Variants in GFAP observed in about 807,000 individuals in gnomAD.
GFAP encodes intermediate filament protein.
A neutral mutation model predicts 49.3 loss-of-function variants in GFAP; 38 were observed. The observed-to-expected ratio is 0.77, with a 90% confidence interval of 0.60 to 1.01. The LOEUF (loss-of-function observed/expected upper bound fraction) is 1.01. GFAP is among the 50% of genes least tolerant of loss of function. The pLI is 0.00. For synonymous variants in GFAP, 222 were observed against 236.4 expected, an observed-to-expected ratio of 0.94 and a Z score of 0.56; for missense variants, 463 against 579.1, an observed-to-expected ratio of 0.80 and a Z score of 2.06.
chr17:44,908,024 G>A (rs767467727), intron 8 of GFAP, 40 bp downstream of exon 8: 1 of 1,411,740 alleles, frequency 7.1e-7, no homozygotes, highest in South Asian at 1.1e-5. Flanking sequence ...AGAATCCCTG[G>A]GGCCAGCCAG....
intron 6 of GFAP, 136 bp downstream of exon 6, chr17:44,911,100 A>C: frequency 1.3e-6 from 1 of 777,726 alleles, no homozygotes; most frequent in Non-Finnish European, 2.3e-6. Context: ...TGTGTGAGGC[A>C]GGCACTGTGC....
rs1318123344 is a variant in GFAP at position 44,910,213 on chromosome 17, G to T, written c.1171+402C>A. The T allele has an allele frequency of 3.1e-6, 5 of 1,613,994 alleles. No homozygotes were observed. The highest frequency in any genetic ancestry group is 4.2e-6 in the Non-Finnish European group (5 of 1,179,866). ...ATAACTCGTATTGTGAGGCTTTTGA[G>T]ATATCTTGTGACCTTGTGATTTTCC... On this transcript the variant is annotated intron_variant, in intron 7 of 8. Transcript: ENST00000588735.
rs200072112 is a variant in GFAP at position 44,913,793 on chromosome 17, C to G, written c.553G>C (p.Asp185His). Residue 185 changes from aspartate to histidine, a missense_variant, in exon 3 of 9, where the codon GAT becomes CAT. Transcript: ENST00000588735. ...EADEATLARL[D>H]LERKIESLEE... is the part of the protein sequence containing the mutation. ...AGCGACTCAATCTTCCTCTCCAGATCCAGACGGGCCAGGGTGGCTTCATCT... is the reference window on the plus strand; with the variant it reads ...AGCGACTCAATCTTCCTCTCCAGATGCAGACGGGCCAGGGTGGCTTCATCT... 9 of 1,614,066 alleles carry G rather than the reference C, an allele frequency of 5.6e-6. No individual in the cohort carries two copies. The highest frequency in any genetic ancestry group is 7.6e-6 in the Non-Finnish European group (9 of 1,180,006).
In GFAP at chr17:44,903,253, T is replaced by C; in HGVS notation, c.*4094A>G. The C allele has an allele frequency of 8.0e-7, 1 of 1,251,514 alleles. No homozygotes were observed. Among genetic ancestry groups the C allele is most frequent in the African/African-American group, 1.5e-5 (1 of 64,936 alleles). The allele number at this position is 1,251,514 out of a possible 1,614,324, so 77.5% of individuals were successfully genotyped here. A position where few individuals can be genotyped will look rare whatever the true frequency, so the allele number is the denominator to read the frequency against. ...ATAGCCCCAAACCAATGAATGGACA[T>C]GTAATCAACAAATGATCAAATACTA... is the stretch of plus-strand genomic sequence containing the variant. On this transcript the variant is annotated 3_prime_UTR_variant, in exon 9 of 9. Transcript: ENST00000588735.
chr17:44,903,259 C>T lies in GFAP; in HGVS notation c.*4088G>A. ...CCAAACCAATGAATGGACATGTAATCAACAAATGATCAAATACTACATCAT... is the reference window on the plus strand; with the variant it reads ...CCAAACCAATGAATGGACATGTAATTAACAAATGATCAAATACTACATCAT... On this transcript the variant is annotated 3_prime_UTR_variant, in exon 9 of 9. Transcript: ENST00000588735. The T allele has an allele frequency of 8.0e-7, 1 of 1,250,598 alleles. No individual in the cohort carries two copies. The highest frequency in any genetic ancestry group is 1.0e-6 in the Non-Finnish European group (1 of 998,520). 77.5% of individuals were successfully genotyped at this position (1,250,598 alleles called of 1,614,324 possible).
chr17:44,905,305 G>A lies in GFAP; in HGVS notation c.*2042C>T, dbSNP rs2051638556. On this transcript the variant is annotated 3_prime_UTR_variant, in exon 9 of 9. Coordinates refer to ENST00000588735, the MANE Select transcript of GFAP (RefSeq NM_002055.5). ...CTCAGGATGGAAGTAGGGCACATGT[G>A]TTTCCTGACTTCACATTTAGGTCAG... 1.8e-6 allele frequency: 1 copy of A among 541,546 alleles called. No individual in the cohort carries two copies. Among genetic ancestry groups the A allele is most frequent in the Non-Finnish European group, 3.4e-6 (1 of 296,798 alleles). The allele number at this position is 541,546 out of a possible 1,614,324, so 33.5% of individuals were successfully genotyped here.
chr17:44,911,516 G>GCCCGGAC (rs1567774134), intron 5 of GFAP, 60 bp from the exon 6 acceptor site: 10 of 1,548,734 alleles, frequency 6.5e-6, no homozygotes, highest in Non-Finnish European at 8.7e-6. Flanking sequence ...AGGTTTCGAG[G>GCCCGGAC]CCCGGCCCCC....
chr17:44,903,561 T>C lies in GFAP; in HGVS notation c.*3786A>G, dbSNP rs2051598481. The C allele has an allele frequency of 1.4e-6, 2 of 1,379,758 alleles. No homozygotes were observed. Among genetic ancestry groups the C allele is most frequent in the East Asian group, 5.4e-5 (2 of 37,094 alleles). 85.5% of individuals were successfully genotyped at this position (1,379,758 alleles called of 1,614,324 possible). A position where few individuals can be genotyped will look rare whatever the true frequency, so the allele number is the denominator to read the frequency against. On this transcript the variant is annotated 3_prime_UTR_variant, in exon 9 of 9. Coordinates refer to ENST00000588735, the MANE Select transcript of GFAP (RefSeq NM_002055.5). ...CATTCTTGGGTGAGCGCCAGTGTTCTAGAAAGGGGAGTAAAGGCCAGGTTC... is the reference window on the plus strand; with the variant it reads ...CATTCTTGGGTGAGCGCCAGTGTTCCAGAAAGGGGAGTAAAGGCCAGGTTC...
At position 44,904,524 on chromosome 17, in the gene GFAP, C is replaced by T; in HGVS notation, c.*2823G>A. ...CGGACCAAGGCCAGGGACCACACGC[C>T]TGAGGTGCTGGTTCGGAGCTGCTTA... On this transcript the variant is annotated 3_prime_UTR_variant, in exon 9 of 9. Coordinates refer to ENST00000588735, the MANE Select transcript of GFAP (RefSeq NM_002055.5). 6.4e-7 allele frequency: 1 copy of T among 1,550,456 alleles called. No homozygotes were observed. Among genetic ancestry groups the T allele is most frequent in the Non-Finnish European group, 8.7e-7 (1 of 1,146,930 alleles).
rs550309636 is a variant in GFAP at position 44,906,660 on chromosome 17, C to A, written c.*687G>T. 6.5e-6 allele frequency: 1 copy of A among 153,028 alleles called. No homozygotes were observed. Among genetic ancestry groups the A allele is most frequent in the East Asian group, 1.9e-4 (1 of 5,190 alleles). 9.5% of individuals were successfully genotyped at this position (153,028 alleles called of 1,614,324 possible). A position where few individuals can be genotyped will look rare whatever the true frequency, so the allele number is the denominator to read the frequency against. On this transcript the variant is annotated 3_prime_UTR_variant, in exon 9 of 9. Transcript: ENST00000588735. ...GTGACTGCCCCAGGTGGCAGGACGTCCCCACCCATCTTAGACTGATCAGGG... is the reference window on the plus strand; with the variant it reads ...GTGACTGCCCCAGGTGGCAGGACGTACCCACCCATCTTAGACTGATCAGGG...
Position 44,915,475 on chromosome 17 carries a change from TCTC to T in GFAP, c.9_11del (p.Arg5del), listed in dbSNP as rs751890813. On this transcript the variant is annotated inframe_deletion, in exon 1 of 9. Coordinates refer to ENST00000588735, the MANE Select transcript of GFAP (RefSeq NM_002055.5). This position sits in a 1 kb window ranked among gnomAD's most constrained non-coding sequence, Gnocchi z 4.1. ...AGCGGCGAGCAGCGGAGGTGATGCG[TCTC>T]CTCTCCATCCTGCTCTGGCTCTGCT... The T allele has an allele frequency of 4.4e-6, 7 of 1,583,144 alleles. No individual in the cohort carries two copies. The South Asian group carries it at 8.0e-5, about 18-fold the overall frequency.
chr17:44,907,069 C>G lies in GFAP; in HGVS notation c.*278G>C, dbSNP rs923662916. On this transcript the variant is annotated 3_prime_UTR_variant, in exon 9 of 9. Transcript: ENST00000588735. ...TCCCCTTCTCTCCTTCCTCCTCATT[C>G]TAACGCAAGCTGCTGGCCATGCCCC... The G allele has an allele frequency of 3.1e-5, 17 of 551,354 alleles. No homozygotes were observed. Among genetic ancestry groups the G allele is most frequent in the Admixed American group, 1.8e-4 (6 of 32,482 alleles). 34.2% of individuals were successfully genotyped at this position (551,354 alleles called of 1,614,324 possible).
At chr17:44,911,489 C>T in intron 5 of GFAP, 33 bp from the exon 6 acceptor site, 1 of 1,575,824 alleles carries the variant, frequency 6.3e-7, no homozygotes. Context: ...CCCGCGGAGC[C>T]CCGACCCGAC....
chr17:44,911,322 C>A lies in GFAP; in HGVS notation c.1041G>T (p.Gln347His), dbSNP rs765830687. The change falls in exon 6 of 9, where the codon CAG (glutamine) becomes CAT (histidine). Residue 347 changes from glutamine (Q) to histidine (H), a missense_variant. Physicochemically the swap from Gln to His is conservative, Grantham distance 24. Transcript: ENST00000588735. Reference sequence around the variant, plus strand: ...TGACATTGAGCAGGTCCTGGTACTCCTGCAAGTGGCGGGCCATCTCGTCCT... The same window carrying A: ...TGACATTGAGCAGGTCCTGGTACTCATGCAAGTGGCGGGCCATCTCGTCCT... ...SLKDEMARHL[Q>H]EYQDLLNVKL... 6.2e-7 allele frequency: 1 copy of A among 1,614,040 alleles called. No homozygotes were observed. The highest frequency in any genetic ancestry group is 1.3e-5 in the African/African-American group (1 of 74,924).
chr17:44,913,971 G>T, intron 2 of GFAP, 57 bp downstream of exon 2: 1 of 1,358,052 alleles, frequency 7.4e-7, no homozygotes, highest in South Asian at 1.2e-5. Flanking sequence ...CTGTGTTTGG[G>T]TGGGTGGCCA....
chr17:44,903,906 T>C lies in GFAP; in HGVS notation c.*3441A>G. ...TTTGAAATTGTGGAGAAGGAAAACA[T>C]TTTTCAGAGGACCCCCTGCCCTGCT... On this transcript the variant is annotated 3_prime_UTR_variant, in exon 9 of 9. Coordinates refer to ENST00000588735, the MANE Select transcript of GFAP (RefSeq NM_002055.5). 4.5e-6 allele frequency: 7 copies of C among 1,550,562 alleles called. No homozygotes were observed. Among genetic ancestry groups the C allele is most frequent in the Non-Finnish European group, 6.1e-6 (7 of 1,146,962 alleles).
chr17:44,904,507 G>A lies in GFAP; in HGVS notation c.*2840C>T, dbSNP rs1328184512. ...CTGTGCCAAGGAAGCTGCGGACCAA[G>A]GCCAGGGACCACACGCCTGAGGTGC... On this transcript the variant is annotated 3_prime_UTR_variant, in exon 9 of 9. Transcript: ENST00000588735. 7 of 1,549,834 alleles carry A rather than the reference G, an allele frequency of 4.5e-6. No homozygotes were observed. In the South Asian group the frequency reaches 8.3e-5, roughly 18 times the overall value.
chr17:44,911,904 C>CT (rs1251418973), intron 4 of GFAP, 107 bp from the exon 5 acceptor site: 5 of 1,310,146 alleles, frequency 3.8e-6, no homozygotes, highest in Non-Finnish European at 5.3e-6. Flanking sequence ...GACGTTGGCC[C>CT]TGGCTGGGAC....
rs1567777914 is a variant in GFAP at position 44,915,005 on chromosome 17, C to G, written c.461+21G>C. ...CAGCCCCTTCTGCTCACAAGGCCCCCCTTCCCCATCCCCTCCTCACTTCTG... is the reference window on the plus strand; with the variant it reads ...CAGCCCCTTCTGCTCACAAGGCCCCGCTTCCCCATCCCCTCCTCACTTCTG... On this transcript the variant is annotated intron_variant, in intron 1 of 8. Transcript: ENST00000588735. This position sits in a 1 kb window ranked among gnomAD's most constrained non-coding sequence, Gnocchi z 4.1. 4 of 1,596,032 alleles carry G rather than the reference C, an allele frequency of 2.5e-6. No individual in the cohort carries two copies. Among genetic ancestry groups the G allele is most frequent in the Non-Finnish European group, 3.4e-6 (4 of 1,171,142 alleles).
Sources: allele counts gnomAD v4.1 joint callset, GRCh38; gene constraint gnomAD v4.1.1; non-coding constraint Gnocchi (gnomAD v3.1); transcripts MANE v1.5; gene names NCBI Gene and HGNC (gene_info 2026-07-23, HGNC 2026-07-21).